DST: variants seen among roughly 807,000 people sequenced by gnomAD.
DST encodes the protein bullous pemphigoid antigen.
Under a neutral mutation model 875.2 loss-of-function variants are expected in DST, and 253 were observed. That is an observed-to-expected ratio of 0.29 (90% CI 0.26 to 0.32). DST has a LOEUF of 0.32. Ranked by LOEUF, DST falls within the 10% of genes least tolerant of loss-of-function variation. DST has a pLI of 1.00. For synonymous variants in DST, 3,124 were observed against 3,197.1 expected (o/e 0.98, Z 0.77); for missense variants, 8,287 against 9,111.6 (o/e 0.91, Z 3.68).
At position 56,768,156 on chromosome 6, in the gene DST, G is replaced by A. The variant is rs966106662; in HGVS notation, c.626-32867C>T. 3.3e-5 allele frequency among the ~76,000 whole-genome samples: 5 copies of A among 152,218 alleles called. No homozygotes were observed. The South Asian group carries it at 8.3e-4, about 25-fold the overall frequency. On this transcript the variant is annotated intron_variant, in intron 4 of 103. Transcript: ENST00000680361. ...TTTAAAAAGGTAACCATTGTGTACC[G>A]AGAAAAAGTTTCTCAACACAGAATA...
intron 10 of DST, among the ~76,000 whole-genome samples, chr6:56,652,081 G>A (rs1347439014): frequency 6.6e-6 from 1 of 151,996 alleles, no homozygotes; most frequent in Non-Finnish European, 1.5e-5. Context: ...ATGTTTTCAT[G>A]AGCACACATG....
intron 75 of DST, 70 bp downstream of exon 75, chr6:56,508,459 T>G (rs1474747597): frequency 2.4e-6 from 3 of 1,258,516 alleles, no homozygotes; most frequent in South Asian, 2.5e-5. Context: ...TCCTAACATT[T>G]ACCCAAGGAA....
intron 3 of DST, among the ~76,000 whole-genome samples, chr6:56,879,305 T>G (rs1208284794): frequency 1.3e-5 from 2 of 151,644 alleles, no homozygotes; most frequent in East Asian, 3.9e-4. Context: ...CCGTCTCTAC[T>G]AAAAAATACA....
chr6:56,521,479 TA>T (rs34671326), intron 69 of DST, among the ~76,000 whole-genome samples: 99,166 of 144,252 alleles, frequency 0.69, 33,763 homozygotes, highest in Non-Finnish European at 0.74. Flanking sequence ...CTTCCCTATT[TA>T]AAAAAAAAAA....
At chr6:56,750,498 A>G (rs2099584040) in intron 4 of DST, among the ~76,000 whole-genome samples, 1 of 152,212 alleles carries the variant, frequency 6.6e-6, no homozygotes, top group East Asian at 1.9e-4. Flanking sequence ...GCCTACTATG[A>G]GAAGAGTGGT....
In DST at chr6:56,460,133, G is replaced by C; in HGVS notation, c.23192C>G (p.Ala7731Gly). ...TAAARVRTQFADSKKTPSRPG... is the reference protein window; with the variant it reads ...TAAARVRTQFGDSKKTPSRPG... ...AAAAAGAAAGGCACCACACTCACCA[G>C]CAAACTGTGTTCGGACTCTGGCAGC... Residue 7731 changes from alanine (A) to glycine (G), a missense_variant and splice_region_variant, in exon 103 of 104, where the codon GCT becomes GGT. By Grantham distance (60) the Ala-to-Gly change is moderately conservative. Transcript: ENST00000680361. 3 of 1,610,916 alleles carry C rather than the reference G, an allele frequency of 1.9e-6. No homozygotes were observed. Among genetic ancestry groups the C allele is most frequent in the Non-Finnish European group, 2.5e-6 (3 of 1,177,762 alleles).
chr6:56,790,311 C>T (rs999714378), intron 4 of DST, among the ~76,000 whole-genome samples: 1 of 152,142 alleles, frequency 6.6e-6, no homozygotes, highest in African/African-American at 2.4e-5. Flanking sequence ...GATTGAGGCT[C>T]AGAGTACATT....
chr6:56,473,265 ATTTCTT>A (rs2094988032), intron 93 of DST, among the ~76,000 whole-genome samples: 2 of 152,216 alleles, frequency 1.3e-5, no homozygotes, highest in African/African-American at 4.8e-5. Context: ...CTCCGACATC[ATTTCTT>A]TTTAATTAAA....
intron 37 of DST, among the ~76,000 whole-genome samples, chr6:56,613,426 G>A (rs978605118): frequency 6.6e-6 from 1 of 152,174 alleles, no homozygotes; most frequent in Admixed American, 6.5e-5. Flanking sequence ...CAAGGCACTG[G>A]TGTTCTCCCC....
intron 5 of DST, among the ~76,000 whole-genome samples, chr6:56,732,866 T>C (rs2099507826): frequency 6.6e-6 from 1 of 152,190 alleles, no homozygotes; most frequent in Non-Finnish European, 1.5e-5. Context: ...AGCGTCTCAT[T>C]TGAATTCATA....
At chr6:56,806,305 A>G (rs937692988) in intron 4 of DST, among the ~76,000 whole-genome samples, 7 of 152,236 alleles carry the variant, frequency 4.6e-5, no homozygotes, top group African/African-American at 1.7e-4. Context: ...ATGGGGTGAT[A>G]GTGAGCTAGC....
chr6:56,752,805 T>C (rs560141285), intron 4 of DST, among the ~76,000 whole-genome samples: 1 of 152,304 alleles, frequency 6.6e-6, no homozygotes, highest in African/African-American at 2.4e-5. Context: ...TTTTTGTTTT[T>C]TTTGAGACGG....
chr6:56,686,507 GTT>G (rs1456998008), intron 9 of DST, among the ~76,000 whole-genome samples: 1 of 152,086 alleles, frequency 6.6e-6, no homozygotes, highest in Non-Finnish European at 1.5e-5. Context: ...CATTGTTGTT[GTT>G]TTGTTTTTTA....
intron 4 of DST, among the ~76,000 whole-genome samples, chr6:56,768,291 C>G (rs1055954809): frequency 6.6e-6 from 1 of 152,094 alleles, no homozygotes; most frequent in Non-Finnish European, 1.5e-5. Flanking sequence ...ATTTCAATAC[C>G]TATTATAAAG....
chr6:56,954,303 G>A (rs1824092042), intron 1 of DST, 104 bp downstream of exon 1: 1 of 859,938 alleles, frequency 1.2e-6, no homozygotes. Context: ...GGGCAATGAT[G>A]GGGCTAGGGG....
At chr6:56,782,564 G>T (rs1469995340) in intron 4 of DST, among the ~76,000 whole-genome samples, 1 of 152,112 alleles carries the variant, frequency 6.6e-6, no homozygotes, top group Non-Finnish European at 1.5e-5. Context: ...GGGATTGGTG[G>T]TGATATCCCC....
At chr6:56,832,887 C>G (rs1037445947) in intron 4 of DST, among the ~76,000 whole-genome samples, 1 of 152,046 alleles carries the variant, frequency 6.6e-6, no homozygotes, top group Non-Finnish European at 1.5e-5. Flanking sequence ...TTACAGGTGT[C>G]CACCACCACA....
intron 5 of DST, among the ~76,000 whole-genome samples, chr6:56,707,907 C>T (rs1363407057): frequency 3.3e-5 from 5 of 152,158 alleles, no homozygotes; most frequent in South Asian, 2.1e-4. Flanking sequence ...TGGTGGCTCA[C>T]GCCTGTAATC....
intron 4 of DST, among the ~76,000 whole-genome samples, chr6:56,747,749 G>A (rs1374519485): frequency 1.3e-5 from 2 of 152,004 alleles, no homozygotes; most frequent in African/African-American, 2.4e-5. Context: ...TATGTAACTC[G>A]ATGAAAATAA....
Sources: allele counts gnomAD v4.1 joint callset (sites outside exome capture counted in the v4.1 genomes callset), GRCh38; gene constraint gnomAD v4.1.1; transcripts MANE v1.5; gene names NCBI Gene and HGNC (gene_info 2026-07-23, HGNC 2026-07-21).